The following NELL1 variants were observed in gnomAD, a reference collection of about 807,000 sequenced individuals.
The protein encoded by NELL1 is neural EGFL like 1, also known as protein kinase C-binding protein NELL1.
A neutral mutation model predicts 107.4 loss-of-function variants in NELL1; 76 were observed. The observed-to-expected ratio is 0.71, with a 90% CI of 0.59 to 0.86. The LOEUF is 0.86. NELL1 is among the 40% of genes least tolerant of loss of function. The probability of loss-of-function intolerance (pLI) is 0.00; values close to 1 mark genes in which losing one functional copy is unlikely to be tolerated. For missense variants in NELL1, 1,024 were observed against 1,005.5 expected (o/e 1.02, Z -0.25); for synonymous variants, 353 against 341.2 (o/e 1.03, Z -0.38).
At chr11:20,877,712 C>A (rs758691586) in intron 4 of NELL1, among the ~76,000 whole-genome samples, 1 of 152,126 alleles carries the variant, frequency 6.6e-6, no homozygotes, top group Non-Finnish European at 1.5e-5. Context: ...TTACTCTTTG[C>A]CTTGTCCTCT....
intron 12 of NELL1, among the ~76,000 whole-genome samples, chr11:21,040,800 A>C (rs1853210690): frequency 6.6e-6 from 1 of 152,224 alleles, no homozygotes; most frequent in Non-Finnish European, 1.5e-5. Flanking sequence ...TCGCTGACCT[A>C]ATATAATTTA....
intron 12 of NELL1, among the ~76,000 whole-genome samples, chr11:21,008,709 G>C (rs1283451689): frequency 6.6e-6 from 1 of 152,074 alleles, no homozygotes; most frequent in African/African-American, 2.4e-5. Flanking sequence ...AGGCAAGAAT[G>C]AGGGGCAGGT....
At chr11:21,269,962 T>C (rs962055136) in intron 14 of NELL1, among the ~76,000 whole-genome samples, 2 of 152,072 alleles carry the variant, frequency 1.3e-5, no homozygotes, top group African/African-American at 4.8e-5. Flanking sequence ...CTCTATGAAG[T>C]AGTATAGTAT....
chr11:21,509,246 A>G (rs1163550973), intron 15 of NELL1, among the ~76,000 whole-genome samples: 1 of 152,200 alleles, frequency 6.6e-6, no homozygotes, highest in African/African-American at 2.4e-5. Flanking sequence ...ATGGAGCAAC[A>G]GAAAAAAATG....
At chr11:21,441,204 T>G (rs917709050) in intron 15 of NELL1, among the ~76,000 whole-genome samples, 1 of 152,196 alleles carries the variant, frequency 6.6e-6, no homozygotes, top group African/African-American at 2.4e-5. Context: ...TCTTTATTTC[T>G]TCTATCTCAA....
In NELL1 at chr11:21,293,726, A is replaced by G. The variant is rs183259823; in HGVS notation, c.1549+64272A>G. Among the ~76,000 whole-genome samples the G allele has an allele frequency of 6.7e-3, 1,019 of 152,296 alleles. 19 individuals are homozygous for G. The highest frequency in any genetic ancestry group is 0.051 in the East Asian group (266 of 5,180). On this transcript the variant is annotated intron_variant, in intron 14 of 19. Transcript: ENST00000357134. ...ACTGGATAAAGAAAATGTGGCACAT[A>G]CACACCATGGAATACTATGCAGCCA...
At chr11:20,699,720 T>C (rs1914981) in intron 2 of NELL1, among the ~76,000 whole-genome samples, 29,085 of 152,152 alleles carry the variant, frequency 0.19, 3,093 homozygotes, top group African/African-American at 0.25. Context: ...ATTTTTGCAA[T>C]TGCTGATTGC....
At chr11:20,694,758 G>A (rs900962771) in intron 2 of NELL1, among the ~76,000 whole-genome samples, 2 of 151,970 alleles carry the variant, frequency 1.3e-5, no homozygotes, top group African/African-American at 2.4e-5. Context: ...GCTTAAGATT[G>A]TTTTGGTTAT....
intron 15 of NELL1, among the ~76,000 whole-genome samples, chr11:21,475,183 A>G (rs771716989): frequency 9.2e-5 from 14 of 152,174 alleles, no homozygotes; most frequent in Non-Finnish European, 1.3e-4. Context: ...TTATAACACA[A>G]CTTCCATGAA....
chr11:21,277,887 C>T (rs552974841), intron 14 of NELL1, among the ~76,000 whole-genome samples: 8 of 152,050 alleles, frequency 5.3e-5, no homozygotes, highest in African/African-American at 4.8e-5. Context: ...CATCACACAC[C>T]GGGGCCTGTT....
intron 14 of NELL1, among the ~76,000 whole-genome samples, chr11:21,302,449 C>T (rs148073441): frequency 7.6e-4 from 116 of 152,114 alleles, no homozygotes; most frequent in African/African-American, 2.7e-3. Context: ...GCATGAATTA[C>T]ATTTGATGAT....
At chr11:20,796,122 TA>T (rs1186801127) in intron 3 of NELL1, among the ~76,000 whole-genome samples, 1 of 152,182 alleles carries the variant, frequency 6.6e-6, no homozygotes, top group Non-Finnish European at 1.5e-5. Context: ...TACTTCTTCC[TA>T]AAATTCTTCA....
chr11:20,770,936 T>C (rs1207210787), intron 2 of NELL1: 1 of 150,868 alleles, frequency 6.6e-6, no homozygotes, highest in Non-Finnish European at 1.5e-5. Flanking sequence ...TGGCACACAT[T>C]GTAGCCAGAT....
At chr11:21,249,395 T>C (rs1050981389) in intron 14 of NELL1, among the ~76,000 whole-genome samples, 3 of 151,366 alleles carry the variant, frequency 2.0e-5, no homozygotes, top group African/African-American at 7.3e-5. Context: ...TGAAAGAAGG[T>C]TTTTTTTTCT....
intron 13 of NELL1, among the ~76,000 whole-genome samples, chr11:21,141,059 A>G (rs965613449): frequency 6.6e-6 from 1 of 152,232 alleles, no homozygotes; most frequent in African/African-American, 2.4e-5. Flanking sequence ...TAGTTTTTAC[A>G]GATGAAAAAT....
intron 14 of NELL1, among the ~76,000 whole-genome samples, chr11:21,275,509 CA>C (rs1848835242): frequency 6.6e-6 from 1 of 152,232 alleles, no homozygotes; most frequent in South Asian, 2.1e-4. Flanking sequence ...GAAACTGTTC[CA>C]ATCAATAGAA....
intron 12 of NELL1, among the ~76,000 whole-genome samples, chr11:21,054,093 C>T (rs1853560084): frequency 6.6e-6 from 1 of 152,060 alleles, no homozygotes; most frequent in Admixed American, 6.6e-5. Context: ...ATAAAACCAT[C>T]CATAATCCTA....
At chr11:20,736,513 G>A (rs1033702156) in intron 2 of NELL1, among the ~76,000 whole-genome samples, 1 of 152,162 alleles carries the variant, frequency 6.6e-6, no homozygotes, top group African/African-American at 2.4e-5. Flanking sequence ...AATCATCTTG[G>A]AGTTTCTCAT....
intron 13 of NELL1, among the ~76,000 whole-genome samples, chr11:21,210,361 G>A (rs566708901): frequency 7.2e-5 from 11 of 152,114 alleles, no homozygotes; most frequent in Non-Finnish European, 1.0e-4. Flanking sequence ...AATATCCAAG[G>A]GCTCCAATTC....
Sources: gnomAD v4.1 joint callset for allele counts (sites outside exome capture counted in the v4.1 genomes callset) on GRCh38, gnomAD v4.1.1 for gene constraint, MANE v1.5 for transcripts, NCBI Gene and HGNC (gene_info 2026-07-23, HGNC 2026-07-21) for gene names.